Variants in FAM180A observed in about 807,000 individuals in gnomAD.
FAM180A encodes the protein family with sequence similarity 180 member A.
A neutral mutation model predicts 15.3 loss-of-function variants in FAM180A; 14 were observed. The observed-to-expected ratio is 0.92, with a 90% confidence interval of 0.61 to 1.43. The LOEUF (loss-of-function observed/expected upper bound fraction) is 1.43. Among genes scored for constraint, FAM180A ranks in the 40% most tolerant of loss-of-function variants. The probability of loss-of-function intolerance (pLI) is 0.00; values close to 1 mark genes in which losing one functional copy is unlikely to be tolerated. For synonymous variants in FAM180A, 90 were observed against 96.8 expected (o/e 0.93, Z 0.41); for missense variants, 200 against 220.8 (o/e 0.91, Z 0.60).
At chr7:135,737,523 G>T (rs974910070) in intron 1 of FAM180A, among the ~76,000 whole-genome samples, 8 of 150,420 alleles carry the variant, frequency 5.3e-5, no homozygotes, top group Non-Finnish European at 7.4e-5. Flanking sequence ...GGAGGTGGAG[G>T]TTGCAGTGAG....
chr7:135,730,270 G>A lies in FAM180A; in HGVS notation c.*341C>T, dbSNP rs1278206241. ...AGTTTTTAGATCCTGGGCCAGGCAC[G>A]GTGGCTCACGCCTGTAATCCTAGCA... On this transcript the variant is annotated 3_prime_UTR_variant, in exon 4 of 4. Transcript: ENST00000338588. 1.7e-5 allele frequency: 17 copies of A among 985,174 alleles called. No individual in the cohort carries two copies. The highest frequency in any genetic ancestry group is 1.0e-4 in the African/African-American group (6 of 57,208). The allele number at this position is 985,174 out of a possible 1,614,324, so 61.0% of individuals were successfully genotyped here.
chr7:135,743,155 G>A (rs974597462), intron 1 of FAM180A, among the ~76,000 whole-genome samples: 1 of 151,608 alleles, frequency 6.6e-6, no homozygotes, highest in African/African-American at 2.4e-5. Flanking sequence ...TGATATGCAA[G>A]GTCAAAGGAC....
intron 1 of FAM180A, among the ~76,000 whole-genome samples, chr7:135,741,721 G>A (rs1414963740): frequency 1.3e-5 from 2 of 151,944 alleles, no homozygotes; most frequent in Non-Finnish European, 2.9e-5. Context: ...CTACTTGGGA[G>A]GCTGAGGCAG....
At chr7:135,732,725 ACACACACACACACAC>A (rs1796803442) in intron 3 of FAM180A, among the ~76,000 whole-genome samples, 2 of 147,198 alleles carry the variant, frequency 1.4e-5, no homozygotes, top group Non-Finnish European at 3.0e-5. Context: ...ACACACACAC[ACACACACACACACAC>A]AAGAATGTTT....
At chr7:135,731,421 G>A (rs898279723) in intron 3 of FAM180A, among the ~76,000 whole-genome samples, 1 of 151,746 alleles carries the variant, frequency 6.6e-6, no homozygotes, top group Non-Finnish European at 1.5e-5. Flanking sequence ...TTAGAGTGTG[G>A]GTCAGCAGAG....
chr7:135,730,912 T>A (rs62489530), intron 3 of FAM180A, among the ~76,000 whole-genome samples: 5,458 of 152,286 alleles, frequency 0.036, 112 homozygotes, highest in Middle Eastern at 0.079. Context: ...CTCTAGTTAC[T>A]GAAAATGAGT....
At chr7:135,739,407 G>T (rs367795019) in intron 1 of FAM180A, among the ~76,000 whole-genome samples, 1 of 151,304 alleles carries the variant, frequency 6.6e-6, no homozygotes, top group Non-Finnish European at 1.5e-5. Context: ...TCAGGAGATC[G>T]AGACCATCCT....
intron 3 of FAM180A, among the ~76,000 whole-genome samples, chr7:135,733,197 A>G (rs1796813483): frequency 6.6e-6 from 1 of 152,208 alleles, no homozygotes; most frequent in Admixed American, 6.5e-5. Context: ...TTATTTGGGT[A>G]TAGCTCTAAT....
intron 1 of FAM180A, among the ~76,000 whole-genome samples, chr7:135,740,617 G>A (rs188420093): frequency 1.9e-3 from 282 of 152,296 alleles, no homozygotes; most frequent in African/African-American, 6.6e-3. Context: ...GGCCGATGGT[G>A]TCCTTCTACC....
In FAM180A at chr7:135,729,866, G is replaced by T; in HGVS notation, c.*745C>A. 1.3e-6 allele frequency: 1 copy of T among 749,926 alleles called. No homozygotes were observed. Among genetic ancestry groups the T allele is most frequent in the Non-Finnish European group, 1.6e-6 (1 of 615,152 alleles). 46.5% of individuals were successfully genotyped at this position (749,926 alleles called of 1,614,324 possible). A position where few individuals can be genotyped will look rare whatever the true frequency, so the allele number is the denominator to read the frequency against. On this transcript the variant is annotated 3_prime_UTR_variant, in exon 4 of 4. Coordinates refer to ENST00000338588, the MANE Select transcript of FAM180A (RefSeq NM_205855.4). ...GGGGCAGGCAGGGGGAAGGGGAAAA[G>T]AGGAGTTGTTCGGTGGGTATAGAAC...
intron 1 of FAM180A, among the ~76,000 whole-genome samples, chr7:135,747,751 C>T (rs1421836599): frequency 6.6e-6 from 1 of 152,090 alleles, no homozygotes; most frequent in Non-Finnish European, 1.5e-5. Flanking sequence ...GAAAGATTTC[C>T]GTTCATATTG....
chr7:135,742,010 C>T (rs1251347921), intron 1 of FAM180A, among the ~76,000 whole-genome samples: 2 of 152,170 alleles, frequency 1.3e-5, no homozygotes, highest in Non-Finnish European at 2.9e-5. Context: ...TTCCTCACCC[C>T]CACCCCTGCA....
chr7:135,748,639 AG>A lies in FAM180A; in HGVS notation c.-60del. The A allele has an allele frequency of 7.5e-7, 1 of 1,326,868 alleles. No homozygotes were observed. 82.2% of individuals were successfully genotyped at this position (1,326,868 alleles called of 1,614,324 possible). A position where few individuals can be genotyped will look rare whatever the true frequency, so the allele number is the denominator to read the frequency against. On this transcript the variant is annotated 5_prime_UTR_variant, in exon 1 of 4. Transcript: ENST00000338588. ...AGCCCAGTGGAACCCCAGTAGCTGCAGGTATGCCCGTGCCGTTCTTCCCAGT... is the reference window on the plus strand; with the variant it reads ...AGCCCAGTGGAACCCCAGTAGCTGCAGTATGCCCGTGCCGTTCTTCCCAGT...
Position 135,734,174 on chromosome 7 carries a change from C to T in FAM180A, c.323G>A (p.Ser108Asn). The T allele has an allele frequency of 6.2e-7, 1 of 1,614,204 alleles. No homozygotes were observed. Among genetic ancestry groups the T allele is most frequent in the African/African-American group, 1.3e-5 (1 of 75,068 alleles). The stretch of plus-strand genomic sequence containing the variant: ...GCCAGGGTGGCTGGAGAGGCTGGCG[C>T]TGAGCCGGCGGATGTCTGGGATGCT... ...PKSIPDIRRLSASLSSHPGIL... is the reference protein window; with the variant it reads ...PKSIPDIRRLNASLSSHPGIL... The change falls in exon 3 of 4, where the codon AGC becomes AAC. Residue 108 changes from serine to asparagine, a missense_variant. By Grantham distance (46) the Ser-to-Asn change is conservative. Transcript: ENST00000338588.
chr7:135,746,120 C>CTTG (rs1563181897), intron 1 of FAM180A, among the ~76,000 whole-genome samples: 31 of 152,248 alleles, frequency 2.0e-4, no homozygotes, highest in African/African-American at 7.5e-4. Context: ...TAGCACGTCA[C>CTTG]ATCCGCTGCC....
intron 1 of FAM180A, among the ~76,000 whole-genome samples, chr7:135,748,243 G>A (rs1274754964): frequency 1.3e-5 from 2 of 152,198 alleles, no homozygotes; most frequent in African/African-American, 4.8e-5. Flanking sequence ...AAGCAGAAAT[G>A]AGTTCTCTCT....
chr7:135,740,884 C>T (rs979541942), intron 1 of FAM180A, among the ~76,000 whole-genome samples: 18 of 151,828 alleles, frequency 1.2e-4, no homozygotes, highest in African/African-American at 4.4e-4. Context: ...GATCTAAGAG[C>T]GACTCTACTT....
At chr7:135,741,909 AAG>A (rs903104683) in intron 1 of FAM180A, among the ~76,000 whole-genome samples, 17 of 152,224 alleles carry the variant, frequency 1.1e-4, no homozygotes, top group African/African-American at 4.8e-5. Flanking sequence ...GAAGCTAAAA[AAG>A]AGGTCCTACC....
chr7:135,733,928 A>C lies in FAM180A; in HGVS notation c.*47T>G. On this transcript the variant is annotated 3_prime_UTR_variant, in exon 3 of 4. Coordinates refer to ENST00000338588, the MANE Select transcript of FAM180A (RefSeq NM_205855.4). Reference sequence around the variant, plus strand: ...GGAGTAGAGAATGAAGACTTTCTGGATTACTGTGCTGGTCCCTGCTCTGAG... The same window carrying C: ...GGAGTAGAGAATGAAGACTTTCTGGCTTACTGTGCTGGTCCCTGCTCTGAG... The C allele has an allele frequency of 4.0e-6, 6 of 1,516,402 alleles. No individual in the cohort carries two copies. Among genetic ancestry groups the C allele is most frequent in the Non-Finnish European group, 5.3e-6 (6 of 1,134,048 alleles). 93.9% of individuals were successfully genotyped at this position (1,516,402 alleles called of 1,614,324 possible).
Sources: allele counts gnomAD v4.1 joint callset (sites outside exome capture counted in the v4.1 genomes callset), GRCh38; gene constraint gnomAD v4.1.1; transcripts MANE v1.5; gene names NCBI Gene and HGNC (gene_info 2026-07-23, HGNC 2026-07-21).